Variants in TAB3 observed in about 807,000 individuals in gnomAD.
TAB3 encodes TGF-beta activated kinase 1 (MAP3K7) binding protein 3, also known as TGF-beta-activated kinase 1 and MAP3K7-binding protein 3.
In TAB3, 18 loss-of-function variants were observed where a neutral mutation model predicts 48.1. The ratio of observed to expected loss-of-function variants is 0.37; its 90% CI spans 0.26 to 0.55. The LOEUF (loss-of-function observed/expected upper bound fraction) is 0.55. Ranked by LOEUF, TAB3 falls within the 20% of genes least tolerant of loss-of-function variation. TAB3 has a pLI of 0.78. For missense variants in TAB3, 414 were observed against 549.8 expected (o/e 0.75, Z 2.47); for synonymous variants, 185 against 190.2 (o/e 0.97, Z 0.22).
chrX:30,833,818 G>A (rs188070175), intron 10 of TAB3, among the ~76,000 whole-genome samples: 83 of 84,188 alleles, frequency 9.9e-4, no homozygotes, highest in African/African-American at 2.9e-3. Context: ...CCTAAAGAGC[G>A]AGACTCCGTC....
At chrX:30,852,964 G>A in intron 6 of TAB3, 26 bp from the exon 7 acceptor site, 2 of 1,202,703 alleles carry the variant, frequency 1.7e-6, no homozygotes, top group South Asian at 1.8e-5. Context: ...TAATGTCATT[G>A]CAGAGAACAA....
Position 30,855,288 on chromosome X carries a change from G to A in TAB3, c.377C>T (p.Ser126Leu). 8.3e-7 allele frequency: 1 copy of A among 1,211,780 alleles called. No individual in the cohort carries two copies. The highest frequency in any genetic ancestry group is 1.1e-6 in the Non-Finnish European group (1 of 895,554). ...AGTAGCAGCAACAACAGCTGGAGCT[G>A]AGTGTGGTTCTTGAACTAAACATAT... ...QLICLVQEPHSAPAVVAATPN... is the reference protein window; with the variant it reads ...QLICLVQEPHLAPAVVAATPN... The change falls in exon 6 of 11, where the codon TCA becomes TTA. Residue 126 changes from serine (S) to leucine (L), a missense_variant. By Grantham distance (145) the Ser-to-Leu change is moderately radical (BLOSUM62 -2). Transcript: ENST00000288422.
chrX:30,868,315 C>CTT (rs1226051886), intron 2 of TAB3, among the ~76,000 whole-genome samples: 506 of 1,457 alleles, frequency 0.35, 171 homozygotes, highest in African/African-American at 0.76. Context: ...ATATATATAG[C>CTT]TTATATATAT....
intron 8 of TAB3, 188 bp downstream of exon 8, chrX:30,846,363 C>T (rs1046036774): frequency 2.7e-5 from 10 of 369,665 alleles, no homozygotes; most frequent in South Asian, 2.1e-4. Context: ...ATGAAACTGC[C>T]GAAGTAAAAC....
At chrX:30,882,059 A>T (rs1005931347) in intron 1 of TAB3, among the ~76,000 whole-genome samples, 1 of 112,396 alleles carries the variant, frequency 8.9e-6, no homozygotes, top group African/African-American at 3.2e-5. Flanking sequence ...AGCCTAACAG[A>T]TAACTTGCTG....
rs774756426 is a variant in TAB3, at chrX:30,846,660, C to G, written c.1711-16G>C. 2.8e-6 allele frequency: 3 copies of G among 1,077,257 alleles called. No homozygotes were observed. In the African/African-American group the frequency reaches 5.5e-5, roughly 20 times the overall value. The allele number at this position is 1,077,257 out of a possible 1,213,427, so 88.8% of individuals were successfully genotyped here. A position where few individuals can be genotyped will look rare whatever the true frequency, so the allele number is the denominator to read the frequency against. On this transcript the variant is annotated splice_polypyrimidine_tract_variant and intron_variant, in intron 7 of 10. Coordinates refer to ENST00000288422, the MANE Select transcript of TAB3 (RefSeq NM_152787.5). ...TTTCCTCAGGCTAGTAAGAAAGGAC[C>G]CAAAATAGCAATTGTGGGAAAGTCA...
intron 8 of TAB3, chrX:30,843,515 AGC>A (rs1472207271): frequency 3.6e-5 from 4 of 112,219 alleles, no homozygotes; most frequent in African/African-American, 1.3e-4. Context: ...CTACAGAAAA[AGC>A]CAAATATAAA....
In TAB3 at chrX:30,831,417, T is replaced by C; in HGVS notation, c.*10A>G. ...GTTTCACTTTCAACCTGGCGCAGAC[T>C]TTTCTGAATTCAGGTGTACCGTGGC... On this transcript the variant is annotated 3_prime_UTR_variant, in exon 11 of 11. Coordinates refer to ENST00000288422, the MANE Select transcript of TAB3 (RefSeq NM_152787.5). 8.3e-7 allele frequency: 1 copy of C among 1,204,816 alleles called. No individual in the cohort carries two copies. Among genetic ancestry groups the C allele is most frequent in the Non-Finnish European group, 1.1e-6 (1 of 891,769 alleles).
intron 4 of TAB3, among the ~76,000 whole-genome samples, chrX:30,864,786 A>T (rs1939352346): frequency 9.3e-6 from 1 of 107,545 alleles, no homozygotes. Context: ...TGGCCATCAC[A>T]GTGTGTGTGT....
chrX:30,853,912 T>G (rs745849719), intron 6 of TAB3, among the ~76,000 whole-genome samples: 13 of 112,310 alleles, frequency 1.2e-4, no homozygotes, highest in Non-Finnish European at 2.1e-4. Flanking sequence ...TGACCTCAGG[T>G]GATCCACCTG....
chrX:30,841,032 G>C (rs771170079), intron 9 of TAB3, among the ~76,000 whole-genome samples: 4 of 112,580 alleles, frequency 3.6e-5, no homozygotes, highest in Non-Finnish European at 7.5e-5. Context: ...ATACACCTCA[G>C]TGACTTTCGG....
chrX:30,888,654 C>T lies in TAB3; in HGVS notation c.-383+460G>A, dbSNP rs547051903. 5.3e-5 allele frequency among the ~76,000 whole-genome samples: 6 copies of T among 112,768 alleles called. No individual in the cohort carries two copies. In the South Asian group the frequency reaches 2.2e-3, roughly 41 times the overall value. ...AGTCATCTGGAAACCTCCTCTCCAA[C>T]AATTCTTACTATACTGCTACTAACC... is the stretch of plus-strand genomic sequence containing the variant. On this transcript the variant is annotated intron_variant, in intron 1 of 10. Transcript: ENST00000288422.
At chrX:30,887,701 C>T (rs951250186) in intron 1 of TAB3, among the ~76,000 whole-genome samples, 36 of 112,191 alleles carry the variant, frequency 3.2e-4, no homozygotes, top group African/African-American at 1.1e-3. Flanking sequence ...TGAATATAAT[C>T]GACGTTAGCT....
chrX:30,839,914 TTATATATATATATA>T (rs56260124), intron 9 of TAB3, among the ~76,000 whole-genome samples: 67 of 82,218 alleles, frequency 8.1e-4, no homozygotes, highest in Admixed American at 8.4e-4. Flanking sequence ...CATATATATA[TTATATATATATATA>T]TATATATATA....
intron 1 of TAB3, among the ~76,000 whole-genome samples, chrX:30,884,208 A>G (rs1361214028): frequency 1.8e-5 from 2 of 112,023 alleles, no homozygotes; most frequent in Admixed American, 9.5e-5. Flanking sequence ...ACCCCAGAAC[A>G]GAAGGCGTAT....
At chrX:30,837,041 C>CTTTTTTTTTTTTTTT in intron 9 of TAB3, among the ~76,000 whole-genome samples, 1 of 36,574 alleles carries the variant, frequency 2.7e-5, no homozygotes, top group Non-Finnish European at 4.9e-5. Flanking sequence ...AAAATGACAT[C>CTTTTTTTTTTTTTTT]TTTTTTTTTT....
At chrX:30,885,930 A>G (rs1275020648) in intron 1 of TAB3, among the ~76,000 whole-genome samples, 5 of 111,573 alleles carry the variant, frequency 4.5e-5, no homozygotes. Flanking sequence ...CACCCTATCA[A>G]AGACTTCAGT....
At chrX:30,853,043 G>T in intron 6 of TAB3, 105 bp from the exon 7 acceptor site, 7 of 861,236 alleles carry the variant, frequency 8.1e-6, no homozygotes, top group Non-Finnish European at 1.1e-5. Flanking sequence ...CAACTTGGGG[G>T]TTGGCATTTA....
At chrX:30,860,376 A>T (rs1171471194) in intron 4 of TAB3, among the ~76,000 whole-genome samples, 1 of 111,962 alleles carries the variant, frequency 8.9e-6, no homozygotes. Flanking sequence ...AAAAGTGTGT[A>T]CCCAAAGCTT....
Sources: gnomAD v4.1 joint callset for allele counts (sites outside exome capture counted in the v4.1 genomes callset) on GRCh38, gnomAD v4.1.1 for gene constraint, MANE v1.5 for transcripts, NCBI Gene and HGNC (gene_info 2026-07-23, HGNC 2026-07-21) for gene names.